The following PTGIS variants were observed in gnomAD, a reference collection of about 807,000 sequenced individuals.
PTGIS encodes prostacyclin synthase.
Under a neutral mutation model 50.3 loss-of-function variants are expected in PTGIS, and 45 were observed. That is an observed-to-expected ratio of 0.90 (90% CI 0.70 to 1.15). The LOEUF is 1.15. PTGIS is among the 50% of genes most tolerant of loss of function. The pLI is 0.00. For missense variants in PTGIS, 668 were observed against 661.3 expected, an observed-to-expected ratio of 1.01 and a Z score of -0.11; for synonymous variants, 260 against 267.7, an observed-to-expected ratio of 0.97 and a Z score of 0.28.
Position 49,514,314 on chromosome 20 carries a change from G to A in PTGIS, c.937C>T (p.Leu313Phe), listed in dbSNP as rs751711496. 6.2e-7 allele frequency: 1 copy of A among 1,614,032 alleles called. No homozygotes were observed. The highest frequency in any genetic ancestry group is 1.3e-5 in the African/African-American group (1 of 74,952). ...PEALAAVRGE[L>F]ESILWQAEQP... is the part of the protein sequence containing the mutation. The stretch of plus-strand genomic sequence containing the variant: ...TCCGCTTGCCAAAGGATACTCTCGA[G>A]CTCTCCGCGGACAGCAGCCAGGGCT... Residue 313 changes from leucine to phenylalanine, a missense_variant, in exon 7 of 10, where the codon CTC becomes TTC. Coordinates refer to ENST00000244043, the MANE Select transcript of PTGIS (RefSeq NM_000961.4).
intron 6 of PTGIS, among the ~76,000 whole-genome samples, chr20:49,523,677 G>A (rs1327882161): frequency 6.6e-6 from 1 of 152,096 alleles, no homozygotes; most frequent in East Asian, 1.9e-4. Flanking sequence ...TACTCGGGAG[G>A]CTGAGGCATG....
In PTGIS at chr20:49,508,120, G is replaced by A. The variant is rs551745822; in HGVS notation, c.1359-56C>T. 2.1e-5 allele frequency: 33 copies of A among 1,600,618 alleles called. No homozygotes were observed. The East Asian group carries it at 3.6e-4, about 17-fold the overall frequency. The stretch of plus-strand genomic sequence containing the variant: ...GAGAGGAGTAGGGCAGGGGGTTATC[G>A]GGAACAAGGCAGGGGAGCCATGGCT... On this transcript the variant is annotated intron_variant, in intron 9 of 9. Coordinates refer to ENST00000244043, the MANE Select transcript of PTGIS (RefSeq NM_000961.4).
intron 1 of PTGIS, among the ~76,000 whole-genome samples, chr20:49,562,288 G>A (rs1371998821): frequency 2.6e-5 from 4 of 152,222 alleles, no homozygotes; most frequent in Non-Finnish European, 5.9e-5. Flanking sequence ...GCGGGAGCAG[G>A]CTTTCTTCCC....
intron 6 of PTGIS, 111 bp downstream of exon 6, chr20:49,523,947 G>A: frequency 7.6e-7 from 1 of 1,309,298 alleles, no homozygotes; most frequent in Non-Finnish European, 1.1e-6. Context: ...GCACACACAG[G>A]CATAGTCATG....
intron 8 of PTGIS, among the ~76,000 whole-genome samples, chr20:49,511,965 A>G (rs1004665849): frequency 6.6e-6 from 1 of 151,678 alleles, no homozygotes; most frequent in Non-Finnish European, 1.5e-5. Flanking sequence ...GGATGGATGG[A>G]TGAGTAGATG....
chr20:49,555,944 A>G (rs1339120379), intron 1 of PTGIS, among the ~76,000 whole-genome samples: 1 of 152,230 alleles, frequency 6.6e-6, no homozygotes, highest in Non-Finnish European at 1.5e-5. Context: ...AGGACTGCTA[A>G]TCCCATCTTG....
At chr20:49,558,935 A>G (rs1052321545) in intron 1 of PTGIS, among the ~76,000 whole-genome samples, 2 of 151,972 alleles carry the variant, frequency 1.3e-5, no homozygotes, top group African/African-American at 4.8e-5. Context: ...CTGGTCTCGA[A>G]CTCCTGATCT....
At chr20:49,531,017 C>A (rs1389100984) in intron 5 of PTGIS, among the ~76,000 whole-genome samples, 1 of 152,136 alleles carries the variant, frequency 6.6e-6, no homozygotes, top group Non-Finnish European at 1.5e-5. Context: ...ACTCGGCCTC[C>A]CAAAGTGTTG....
intron 6 of PTGIS, among the ~76,000 whole-genome samples, chr20:49,518,888 C>G (rs1035927564): frequency 6.6e-6 from 1 of 152,150 alleles, no homozygotes; most frequent in Non-Finnish European, 1.5e-5. Context: ...CCCAGCAGCT[C>G]CCGTGGCCCC....
rs1295089049 is a variant in PTGIS at position 49,553,572 on chromosome 20, T to C, written c.75-3383A>G. Among the ~76,000 whole-genome samples the C allele has an allele frequency of 2.0e-5, 3 of 151,986 alleles. No individual in the cohort carries two copies. The East Asian group carries it at 5.8e-4, about 29-fold the overall frequency. ...AAGTGATATTAAATTAAATAATAGA[T>C]ACCCATTAAATGTCTGGGTCATTTC... On this transcript the variant is annotated intron_variant, in intron 1 of 9. Coordinates refer to ENST00000244043, the MANE Select transcript of PTGIS (RefSeq NM_000961.4).
chr20:49,549,615 C>T (rs529337251), intron 2 of PTGIS, among the ~76,000 whole-genome samples: 5 of 152,150 alleles, frequency 3.3e-5, no homozygotes, highest in African/African-American at 9.6e-5. Context: ...TGACAGATGT[C>T]GGGTGAATCT....
In PTGIS at chr20:49,508,052, A is replaced by G. The variant is rs2122832083; in HGVS notation, c.1371T>C (p.Leu457=). 9 of 1,613,886 alleles carry G rather than the reference A, an allele frequency of 5.6e-6. No individual in the cohort carries two copies. The highest frequency in any genetic ancestry group is 6.8e-6 in the Non-Finnish European group (8 of 1,180,040). ...GCTCCAAGTCCAAGTGCACCAGCAC[A>G]AGGAACACAAATCTGCAGAGAGATG... The part of the protein sequence containing the change: ...AVNSIKQFVF[L]VLVHLDLELI... The change falls in exon 10 of 10, where the codon CTT becomes CTC. Residue 457 remains leucine, a synonymous_variant. Coordinates refer to ENST00000244043, the MANE Select transcript of PTGIS (RefSeq NM_000961.4).
rs1290116014 is a variant in PTGIS, at chr20:49,540,744, TC to T, written c.522-1024del. Among the ~76,000 whole-genome samples, 1 of 151,732 alleles carries T rather than the reference TC, an allele frequency of 6.6e-6. No individual in the cohort carries two copies. Among genetic ancestry groups the T allele is most frequent in the East Asian group, 1.9e-4 (1 of 5,144 alleles). On this transcript the variant is annotated intron_variant, in intron 4 of 9. Coordinates refer to ENST00000244043, the MANE Select transcript of PTGIS (RefSeq NM_000961.4). This position sits in a 1 kb window ranked among gnomAD's most constrained non-coding sequence, Gnocchi z 4.8. The stretch of plus-strand genomic sequence containing the variant: ...CAGCCCCCTTTAAATGCCCCAGGAG[TC>T]CAGCCCCAGCCCAGCGGGCTGACCT...
At chr20:49,549,749 G>C (rs1355006234) in intron 2 of PTGIS, among the ~76,000 whole-genome samples, 2 of 152,182 alleles carry the variant, frequency 1.3e-5, no homozygotes, top group Non-Finnish European at 2.9e-5. Context: ...TGGGAAGATG[G>C]ATGTTGAACG....
intron 2 of PTGIS, 104 bp from the exon 3 acceptor site, chr20:49,548,123 G>C (rs115789536): frequency 6.7e-6 from 7 of 1,052,234 alleles, no homozygotes; most frequent in Non-Finnish European, 7.2e-6. Flanking sequence ...CCACTGGACA[G>C]TAACACACTA....
chr20:49,551,822 G>T (rs556650014), intron 1 of PTGIS, among the ~76,000 whole-genome samples: 2 of 140,306 alleles, frequency 1.4e-5, no homozygotes, highest in African/African-American at 6.4e-5. Context: ...GTGTGTGTGT[G>T]TGTGTGTGTG....
At chr20:49,512,755 A>G (rs983738330) in intron 8 of PTGIS, among the ~76,000 whole-genome samples, 40 of 152,206 alleles carry the variant, frequency 2.6e-4, no homozygotes, top group African/African-American at 9.6e-4. Context: ...ACCCTTGAAC[A>G]TGAGGGGATC....
intron 1 of PTGIS, among the ~76,000 whole-genome samples, chr20:49,564,245 T>C (rs1421312421): frequency 6.6e-6 from 1 of 152,182 alleles, no homozygotes; most frequent in East Asian, 1.9e-4. Context: ...GGGTGGAATA[T>C]CATGACATCT....
chr20:49,533,500 T>A (rs1478477941), intron 5 of PTGIS, among the ~76,000 whole-genome samples: 1 of 151,982 alleles, frequency 6.6e-6, no homozygotes, highest in Non-Finnish European at 1.5e-5. Flanking sequence ...TCTTTTAAAA[T>A]ATATTTATAC....
Sources: gnomAD v4.1 joint callset for allele counts (sites outside exome capture counted in the v4.1 genomes callset) on GRCh38, gnomAD v4.1.1 for gene constraint, Gnocchi (gnomAD v3.1) non-coding constraint, MANE v1.5 for transcripts, NCBI Gene and HGNC (gene_info 2026-07-23, HGNC 2026-07-21) for gene names.